Variants in PRKG1 observed in about 807,000 individuals in gnomAD.
PRKG1 encodes protein kinase cGMP-dependent 1, also known as cGMP-dependent protein kinase 1.
Under a neutral mutation model 88.1 loss-of-function variants are expected in PRKG1, and 35 were observed. The observed-to-expected ratio is 0.40, with a 90% CI of 0.30 to 0.53. The LOEUF is 0.53. Ranked by LOEUF, PRKG1 falls within the 20% of genes least tolerant of loss-of-function variation. PRKG1 has a pLI of 0.59. For synonymous variants in PRKG1, 303 were observed against 292.5 expected, an observed-to-expected ratio of 1.04 and a Z score of -0.37; for missense variants, 540 against 839.8, an observed-to-expected ratio of 0.64 and a Z score of 4.41.
chr10:51,767,102 G>C (rs886542218), intron 3 of PRKG1, among the ~76,000 whole-genome samples: 3 of 152,170 alleles, frequency 2.0e-5, no homozygotes, highest in Admixed American at 6.5e-5. Flanking sequence ...CCTTTAAATG[G>C]TTCTCACTAA....
chr10:52,286,904 T>C (rs1842128689), intron 14 of PRKG1, among the ~76,000 whole-genome samples: 1 of 152,052 alleles, frequency 6.6e-6, no homozygotes, highest in Non-Finnish European at 1.5e-5. Flanking sequence ...GTGTCTACAA[T>C]CTACATATAG....
intron 2 of PRKG1, among the ~76,000 whole-genome samples, chr10:51,397,334 AC>A (rs1837606664): frequency 6.6e-6 from 1 of 152,258 alleles, no homozygotes; most frequent in South Asian, 2.1e-4. Flanking sequence ...CTTTCTAAGC[AC>A]CCTTTTTAAA....
At chr10:51,800,422 T>C (rs141517453) in intron 3 of PRKG1, among the ~76,000 whole-genome samples, 1 of 152,254 alleles carries the variant, frequency 6.6e-6, no homozygotes, top group African/African-American at 2.4e-5. Context: ...TAGCTTTGGC[T>C]AGCCTACCTT....
intron 3 of PRKG1, among the ~76,000 whole-genome samples, chr10:51,507,547 G>T (rs1268571910): frequency 6.6e-6 from 1 of 152,066 alleles, no homozygotes; most frequent in Non-Finnish European, 1.5e-5. Flanking sequence ...TTTCAGAGAT[G>T]GAAAGTCCTT....
At chr10:51,338,019 A>T (rs150103905) in intron 2 of PRKG1, among the ~76,000 whole-genome samples, 1 of 152,358 alleles carries the variant, frequency 6.6e-6, no homozygotes, top group East Asian at 1.9e-4. Context: ...TCAAAGATAG[A>T]CTGGATAAAG....
At chr10:51,434,961 T>G (rs1838877586) in intron 2 of PRKG1, among the ~76,000 whole-genome samples, 1 of 152,140 alleles carries the variant, frequency 6.6e-6, no homozygotes, top group South Asian at 2.1e-4. Flanking sequence ...TTGTAAGATA[T>G]TTCAGCATGA....
At chr10:52,239,248 C>A (rs1336805574) in intron 9 of PRKG1, among the ~76,000 whole-genome samples, 17 of 139,000 alleles carry the variant, frequency 1.2e-4, no homozygotes, top group Non-Finnish European at 2.5e-4. Context: ...GTGCAGCGCA[C>A]CGGCATGGCA....
intron 9 of PRKG1, among the ~76,000 whole-genome samples, chr10:52,225,139 C>T (rs1013881296): frequency 1.3e-5 from 2 of 152,050 alleles, no homozygotes; most frequent in African/African-American, 4.8e-5. Context: ...TCCATGCCAA[C>T]ATCTACTGTT....
At chr10:51,527,477 T>C (rs1841911228) in intron 3 of PRKG1, among the ~76,000 whole-genome samples, 1 of 152,008 alleles carries the variant, frequency 6.6e-6, no homozygotes, top group East Asian at 1.9e-4. Flanking sequence ...TTGAAGCATA[T>C]ATAGGAATGA....
At chr10:51,183,276 A>G (rs1837397668) in intron 2 of PRKG1, among the ~76,000 whole-genome samples, 1 of 152,224 alleles carries the variant, frequency 6.6e-6, no homozygotes, top group Admixed American at 6.5e-5. Context: ...ATAGATAAAC[A>G]GCGCAAAAAG....
At chr10:51,807,401 T>C (rs759738021) in intron 4 of PRKG1, among the ~76,000 whole-genome samples, 31 of 152,204 alleles carry the variant, frequency 2.0e-4, no homozygotes, top group Non-Finnish European at 4.1e-4. Flanking sequence ...CTCTCCATTG[T>C]AAGGGTCATG....
chr10:51,837,761 AT>A (rs1203178230), intron 4 of PRKG1, among the ~76,000 whole-genome samples: 2 of 152,168 alleles, frequency 1.3e-5, no homozygotes, highest in Non-Finnish European at 1.5e-5. Flanking sequence ...CAAAGACTGT[AT>A]CTTTTGTCTC....
At chr10:51,400,126 G>A (rs1490076473) in intron 2 of PRKG1, among the ~76,000 whole-genome samples, 1 of 152,026 alleles carries the variant, frequency 6.6e-6, no homozygotes, top group Non-Finnish European at 1.5e-5. Context: ...AATTTTTTGA[G>A]TACCTACTAT....
chr10:51,842,399 G>A (rs1840300104), intron 4 of PRKG1, among the ~76,000 whole-genome samples: 1 of 152,154 alleles, frequency 6.6e-6, no homozygotes, highest in Admixed American at 6.5e-5. Context: ...TTAAACTAAT[G>A]GAAGCAGACC....
chr10:51,335,294 AT>A (rs1841847384), intron 2 of PRKG1, among the ~76,000 whole-genome samples: 1 of 152,012 alleles, frequency 6.6e-6, no homozygotes, highest in Admixed American at 6.6e-5. Flanking sequence ...ATGTTCTGTG[AT>A]TGGTCAACTT....
At chr10:51,769,909 A>T (rs1392107705) in intron 3 of PRKG1, among the ~76,000 whole-genome samples, 1 of 152,256 alleles carries the variant, frequency 6.6e-6, no homozygotes, top group Non-Finnish European at 1.5e-5. Context: ...AAGAAAGTTA[A>T]TGAATTTATG....
At chr10:51,901,708 A>T (rs1841982429) in intron 4 of PRKG1, among the ~76,000 whole-genome samples, 1 of 152,218 alleles carries the variant, frequency 6.6e-6, no homozygotes, top group Admixed American at 6.5e-5. Flanking sequence ...AGTCTGAATG[A>T]TTTGTCTCAA....
intron 3 of PRKG1, among the ~76,000 whole-genome samples, chr10:51,756,415 A>G (rs1837861658): frequency 6.7e-6 from 1 of 149,870 alleles, no homozygotes; most frequent in South Asian, 2.1e-4. Flanking sequence ...TGAGCCTGGG[A>G]GGTTGAGACC....
At chr10:52,089,143 C>T (rs192099681) in intron 7 of PRKG1, among the ~76,000 whole-genome samples, 8 of 152,202 alleles carry the variant, frequency 5.3e-5, no homozygotes, top group East Asian at 3.9e-4. Flanking sequence ...TAAGTAGGAT[C>T]GGAACCAGGT....
Sources: allele counts gnomAD v4.1 joint callset (sites outside exome capture counted in the v4.1 genomes callset), GRCh38; gene constraint gnomAD v4.1.1; transcripts MANE v1.5; gene names NCBI Gene and HGNC (gene_info 2026-07-23, HGNC 2026-07-21).